ABCA5: variants seen among roughly 807,000 people sequenced by gnomAD.
The protein encoded by ABCA5 is cholesterol transporter ABCA5.
A neutral mutation model predicts 206.0 loss-of-function variants in ABCA5; 163 were observed. The ratio of observed to expected loss-of-function variants is 0.79; its 90% CI spans 0.70 to 0.90. The LOEUF is 0.90. Among genes scored for constraint, ABCA5 ranks in the 40% least tolerant of loss-of-function variants. The pLI is 0.00. For synonymous variants in ABCA5, 609 were observed against 613.8 expected, an observed-to-expected ratio of 0.99 and a Z score of 0.11; for missense variants, 1,859 against 1,912.9, an observed-to-expected ratio of 0.97 and a Z score of 0.53.
At position 69,319,512 on chromosome 17, in the gene ABCA5, G is replaced by A. The variant is rs138556504; in HGVS notation, c.-15-5082C>T. On this transcript the variant is annotated intron_variant, in intron 1 of 38. Transcript: ENST00000392676. ...CCAACTCCCCAAACACCATCCCAACGCACACAAACCATCACCACCACCACC... is the reference window on the plus strand; with the variant it reads ...CCAACTCCCCAAACACCATCCCAACACACACAAACCATCACCACCACCACC... Among the ~76,000 whole-genome samples the A allele has an allele frequency of 8.4e-4, 127 of 152,058 alleles. 1 individual carries two copies. Among genetic ancestry groups the A allele is most frequent in the African/African-American group, 2.2e-3 (93 of 41,468 alleles).
At chr17:69,268,865 T>C (rs910751589) in intron 22 of ABCA5, 3 of 152,146 alleles carry the variant, frequency 2.0e-5, no homozygotes, top group Non-Finnish European at 2.9e-5. Flanking sequence ...AGTTTTCCTA[T>C]TTAGCAATTA....
chr17:69,298,350 A>G (rs7224784), intron 9 of ABCA5, among the ~76,000 whole-genome samples: 20,744 of 102,736 alleles, frequency 0.2, 5,429 homozygotes, highest in East Asian at 0.46. Flanking sequence ...AAGGAAGGAA[A>G]GAAGGAAAGA....
chr17:69,251,943 C>CT (rs1568087870), intron 34 of ABCA5, 77 bp from the exon 35 acceptor site: 1 of 1,519,358 alleles, frequency 6.6e-7, no homozygotes, highest in Non-Finnish European at 8.9e-7. Context: ...AAAATCCAAC[C>CT]GGTTGGTTAA....
intron 34 of ABCA5, among the ~76,000 whole-genome samples, chr17:69,252,681 C>T (rs1244525984): frequency 1.3e-5 from 2 of 151,660 alleles, no homozygotes; most frequent in Non-Finnish European, 1.5e-5. Context: ...ACCAAAAATA[C>T]AAAAAATTAG....
In ABCA5 at chr17:69,246,952, T is replaced by C. The variant is rs183001104; in HGVS notation, c.*585A>G. On this transcript the variant is annotated 3_prime_UTR_variant, in exon 39 of 39. Coordinates refer to ENST00000392676, the MANE Select transcript of ABCA5 (RefSeq NM_172232.4). ...AATCATGTACTAGAACAAGGGCTCA[T>C]TTCACTTATTATGATCAATGACTGC... The C allele has an allele frequency of 4.6e-5, 7 of 152,096 alleles. No homozygotes were observed. The highest frequency in any genetic ancestry group is 1.7e-4 in the African/African-American group (7 of 41,560). 9.4% of individuals were successfully genotyped at this position (152,096 alleles called of 1,614,324 possible). A position where few individuals can be genotyped will look rare whatever the true frequency, so the allele number is the denominator to read the frequency against.
chr17:69,267,797 C>T (rs535018957), intron 23 of ABCA5, 146 bp downstream of exon 23: 3 of 427,308 alleles, frequency 7.0e-6, no homozygotes, highest in African/African-American at 2.1e-5. Flanking sequence ...TCACTTATTA[C>T]AATAAGAAAC....
Position 69,250,529 on chromosome 17 carries a change from A to T in ABCA5, c.4628T>A (p.Val1543Glu), listed in dbSNP as rs781240794. Reference protein sequence around the residue: ...KLKDWIENLEVDRLQREIQYI... With the variant: ...KLKDWIENLEEDRLQREIQYI... The stretch of plus-strand genomic sequence containing the variant: ...CTGAATTTCTCTTTGAAGGCGGTCT[A>T]CTTCTAGGTTTTCTATCCAGTCCTT... The change falls in exon 36 of 39, where the codon GTA (valine) becomes GAA (glutamate). Residue 1543 changes from valine (V) to glutamate (E), a missense_variant. Coordinates refer to ENST00000392676, the MANE Select transcript of ABCA5 (RefSeq NM_172232.4). 9.4e-6 allele frequency: 15 copies of T among 1,603,262 alleles called. No homozygotes were observed. Among genetic ancestry groups the T allele is most frequent in the Non-Finnish European group, 1.3e-5 (15 of 1,176,530 alleles).
chr17:69,287,773 AG>A, intron 14 of ABCA5, 22 bp from the exon 15 acceptor site: 1 of 1,603,868 alleles, frequency 6.2e-7, no homozygotes, highest in Non-Finnish European at 8.5e-7. Context: ...GAGGTGAAGA[AG>A]GGCAGGGAAT....
At chr17:69,278,546 C>T (rs1411196126) in intron 18 of ABCA5, among the ~76,000 whole-genome samples, 1 of 152,114 alleles carries the variant, frequency 6.6e-6, no homozygotes, top group African/African-American at 2.4e-5. Context: ...AATATAATTT[C>T]CTGGGATTAC....
At chr17:69,268,084 GGA>G in intron 22 of ABCA5, 28 bp from the exon 23 acceptor site, 1 of 1,034,338 alleles carries the variant, frequency 9.7e-7, no homozygotes, top group Non-Finnish European at 1.5e-6. Flanking sequence ...AGTAACAAAT[GGA>G]ACTGAGAATC....
chr17:69,305,175 T>C (rs1396196987), intron 6 of ABCA5, among the ~76,000 whole-genome samples: 1 of 152,198 alleles, frequency 6.6e-6, no homozygotes, highest in Non-Finnish European at 1.5e-5. Flanking sequence ...ACAATTTTCT[T>C]TATGGCATGT....
intron 1 of ABCA5, among the ~76,000 whole-genome samples, chr17:69,321,567 C>CT (rs1337005413): frequency 6.6e-6 from 1 of 152,168 alleles, no homozygotes; most frequent in Non-Finnish European, 1.5e-5. Context: ...TCAAGTTTAA[C>CT]TGTTTAAGTT....
chr17:69,275,964 C>T (rs2075327070), intron 19 of ABCA5, among the ~76,000 whole-genome samples: 1 of 152,162 alleles, frequency 6.6e-6, no homozygotes, highest in African/African-American at 2.4e-5. Flanking sequence ...ACCATGCTGG[C>T]ACCCTGATCT....
chr17:69,273,876 A>G (rs1475800088), intron 20 of ABCA5, 83 bp downstream of exon 20: 5 of 1,312,852 alleles, frequency 3.8e-6, no homozygotes, highest in Middle Eastern at 2.2e-4. Context: ...CCTTAAATAT[A>G]GTTTTAAAAT....
chr17:69,289,653 A>T (rs1340681012), intron 13 of ABCA5, among the ~76,000 whole-genome samples: 1 of 152,204 alleles, frequency 6.6e-6, no homozygotes, highest in Non-Finnish European at 1.5e-5. Flanking sequence ...GGAATAAGGC[A>T]GGCAAGCATC....
chr17:69,248,788 A>C (rs2074980802), intron 37 of ABCA5: 1 of 152,580 alleles, frequency 6.6e-6, no homozygotes, highest in African/African-American at 2.4e-5. Flanking sequence ...GCAAGTATAC[A>C]ATCATGGTTC....
chr17:69,270,042 G>A (rs892007488), intron 22 of ABCA5, among the ~76,000 whole-genome samples: 2 of 152,080 alleles, frequency 1.3e-5, no homozygotes, highest in African/African-American at 4.8e-5. Context: ...AAAAGACACC[G>A]AAGTGTATAC....
chr17:69,257,310 T>C (rs1004993161), intron 28 of ABCA5, among the ~76,000 whole-genome samples: 19 of 146,234 alleles, frequency 1.3e-4, no homozygotes, highest in Non-Finnish European at 2.5e-4. Flanking sequence ...GCTGAGATCA[T>C]GCCACTGCAC....
rs752449178 is a variant in ABCA5, at chr17:69,251,733, A to G, written c.4535+14T>C. ...AACCTCTTCCCCTGAATGGCACGCT[A>G]TTTAGACATCAACCTTAACTGCCCA... On this transcript the variant is annotated intron_variant, in intron 35 of 38. Coordinates refer to ENST00000392676, the MANE Select transcript of ABCA5 (RefSeq NM_172232.4). The G allele has an allele frequency of 1.2e-6, 2 of 1,608,360 alleles. No homozygotes were observed. The highest frequency in any genetic ancestry group is 3.4e-5 in the Admixed American group (2 of 58,160).
Sources: allele counts gnomAD v4.1 joint callset (sites outside exome capture counted in the v4.1 genomes callset), GRCh38; gene constraint gnomAD v4.1.1; transcripts MANE v1.5; gene names NCBI Gene and HGNC (gene_info 2026-07-23, HGNC 2026-07-21).